DLG2: variants seen among roughly 807,000 people sequenced by gnomAD.
The protein encoded by DLG2 is discs large MAGUK scaffold protein 2.
Under a neutral mutation model 132.5 loss-of-function variants are expected in DLG2, and 45 were observed. The ratio of observed to expected loss-of-function variants is 0.34; its 90% CI spans 0.27 to 0.44. The LOEUF is 0.44. Ranked by LOEUF, DLG2 falls within the 20% of genes least tolerant of loss-of-function variation. The pLI is 1.00. For synonymous variants in DLG2, 424 were observed against 419.6 expected (o/e 1.01, Z -0.13); for missense variants, 1,045 against 1,196.9 (o/e 0.87, Z 1.87).
intron 15 of DLG2, among the ~76,000 whole-genome samples, chr11:83,876,439 T>C (rs2064806442): frequency 6.6e-6 from 1 of 152,092 alleles, no homozygotes. Flanking sequence ...TATTTTCTAT[T>C]ACAAAAATAT....
chr11:84,858,912 A>G (rs1249290004), intron 6 of DLG2, among the ~76,000 whole-genome samples: 2 of 152,142 alleles, frequency 1.3e-5, no homozygotes, highest in Non-Finnish European at 2.9e-5. Flanking sequence ...AATAGTAGAA[A>G]GAGGAGAGGA....
chr11:83,887,690 A>C (rs2068341249), intron 15 of DLG2, among the ~76,000 whole-genome samples: 1 of 150,698 alleles, frequency 6.6e-6, no homozygotes, highest in Non-Finnish European at 1.5e-5. Context: ...CATTGATGCA[A>C]AAATCCTCAA....
chr11:83,647,313 C>G (rs1376758537), intron 18 of DLG2, among the ~76,000 whole-genome samples: 1 of 151,972 alleles, frequency 6.6e-6, no homozygotes, highest in African/African-American at 2.4e-5. Flanking sequence ...TAAATACCTT[C>G]TTTTATATAT....
At chr11:83,817,533 T>G (rs2049373662) in intron 17 of DLG2, among the ~76,000 whole-genome samples, 1 of 152,144 alleles carries the variant, frequency 6.6e-6, no homozygotes, top group African/African-American at 2.4e-5. Context: ...AAAGTATGAA[T>G]GTATGCCTTT....
At chr11:83,682,999 A>G (rs903057654) in intron 18 of DLG2, among the ~76,000 whole-genome samples, 4 of 152,056 alleles carry the variant, frequency 2.6e-5, no homozygotes, top group Non-Finnish European at 5.9e-5. Context: ...CTATTCTACC[A>G]TGCTGCCTCT....
At position 84,273,372 on chromosome 11, in the gene DLG2, C is replaced by T. The variant is rs150744616; in HGVS notation, c.520-22081G>A. The stretch of plus-strand genomic sequence containing the variant: ...ATAAACTTCTTAATTAGATCTGCTA[C>T]ACAAACTGCTATCTTAAGACTTAAA... On this transcript the variant is annotated intron_variant, in intron 7 of 27. Transcript: ENST00000376104. 3,346 of 1,300,568 alleles carry T rather than the reference C, an allele frequency of 2.6e-3. 63 individuals carry two copies. The African/African-American group carries it at 0.047, about 18-fold the overall frequency. 80.6% of individuals were successfully genotyped at this position (1,300,568 alleles called of 1,614,324 possible).
At chr11:83,543,974 C>T (rs957854564) in intron 19 of DLG2, among the ~76,000 whole-genome samples, 2 of 152,122 alleles carry the variant, frequency 1.3e-5, no homozygotes, top group Non-Finnish European at 2.9e-5. Context: ...TACTGAACAC[C>T]TGCTTTCTTT....
intron 11 of DLG2, among the ~76,000 whole-genome samples, chr11:84,048,191 A>C (rs534460722): frequency 9.9e-5 from 15 of 151,752 alleles, no homozygotes; most frequent in African/African-American, 3.4e-4. Flanking sequence ...TCTCTGGTAG[A>C]CAGGAGAGCG....
chr11:84,777,279 GTGTATA>G (rs1273690314), intron 6 of DLG2, among the ~76,000 whole-genome samples: 5 of 85,126 alleles, frequency 5.9e-5, no homozygotes, highest in African/African-American at 2.4e-4. Context: ...ATATGTGTGT[GTGTATA>G]TATATATATA....
chr11:84,812,258 T>A (rs777330746), intron 6 of DLG2, among the ~76,000 whole-genome samples: 86 of 152,278 alleles, frequency 5.6e-4, no homozygotes, highest in Non-Finnish European at 8.5e-4. Context: ...GAACTCCAGA[T>A]AAATAAAATG....
Position 84,745,366 on chromosome 11 carries a change from T to C in DLG2, c.358-210635A>G, listed in dbSNP as rs1009078267. On this transcript the variant is annotated intron_variant, in intron 6 of 27. Coordinates refer to ENST00000376104, the MANE Select transcript of DLG2 (RefSeq NM_001142699.3). ...TCAGGAAATCTTGTTTAAAAGTGTA[T>C]AGCCCTGTTCCCATCCTTCTTCCTG... Among the ~76,000 whole-genome samples the C allele has an allele frequency of 3.3e-5, 5 of 152,278 alleles. No homozygotes were observed. In the South Asian group the frequency reaches 1.0e-3, roughly 32 times the overall value.
intron 9 of DLG2, among the ~76,000 whole-genome samples, chr11:84,133,667 G>T (rs2094501201): frequency 6.6e-6 from 1 of 151,734 alleles, no homozygotes. Context: ...TCTAAATAGA[G>T]ACAGTGTTTT....
chr11:85,276,282 A>G (rs562518327), intron 4 of DLG2, among the ~76,000 whole-genome samples: 2 of 152,224 alleles, frequency 1.3e-5, no homozygotes, highest in South Asian at 4.1e-4. Flanking sequence ...TTTTGCCAGG[A>G]TAGTCTGCCT....
At chr11:85,152,890 C>T (rs1166912208) in intron 5 of DLG2, among the ~76,000 whole-genome samples, 1 of 152,180 alleles carries the variant, frequency 6.6e-6, no homozygotes, top group African/African-American at 2.4e-5. Context: ...GTCTCTTAAT[C>T]AACCAGTTTT....
chr11:84,950,620 G>A (rs2050789914), intron 6 of DLG2, among the ~76,000 whole-genome samples: 1 of 151,998 alleles, frequency 6.6e-6, no homozygotes, highest in African/African-American at 2.4e-5. Flanking sequence ...GATTATATAG[G>A]GTGAATAAAA....
intron 15 of DLG2, among the ~76,000 whole-genome samples, chr11:83,919,842 T>C (rs932176177): frequency 1.3e-5 from 2 of 152,224 alleles, no homozygotes; most frequent in Non-Finnish European, 2.9e-5. Flanking sequence ...TTTACAATTA[T>C]GCCGGAGGCA....
chr11:85,454,223 T>A (rs2092345510), intron 3 of DLG2, among the ~76,000 whole-genome samples: 1 of 151,748 alleles, frequency 6.6e-6, no homozygotes, highest in Non-Finnish European at 1.5e-5. Flanking sequence ...TTTTGAGTTT[T>A]AATAATGGCC....
intron 6 of DLG2, among the ~76,000 whole-genome samples, chr11:84,642,280 A>G (rs2099668265): frequency 6.6e-6 from 1 of 151,866 alleles, no homozygotes; most frequent in African/African-American, 2.4e-5. Flanking sequence ...GTAACACAGC[A>G]AAGTCCTGAA....
intron 18 of DLG2, among the ~76,000 whole-genome samples, chr11:83,746,985 G>A (rs182755581): frequency 7.9e-5 from 12 of 152,218 alleles, no homozygotes; most frequent in Admixed American, 2.0e-4. Flanking sequence ...GTATGAATGC[G>A]TCAATACCAA....
Sources: allele counts gnomAD v4.1 joint callset (sites outside exome capture counted in the v4.1 genomes callset), GRCh38; gene constraint gnomAD v4.1.1; transcripts MANE v1.5; gene names NCBI Gene and HGNC (gene_info 2026-07-23, HGNC 2026-07-21).